Variants in SAMD4A observed in about 807,000 individuals in gnomAD.
The protein encoded by SAMD4A is protein Smaug homolog 1.
A neutral mutation model predicts 81.3 loss-of-function variants in SAMD4A; 33 were observed. That is an observed-to-expected ratio of 0.41 (90% CI 0.31 to 0.54). SAMD4A has a LOEUF of 0.54. Among genes scored for constraint, SAMD4A ranks in the 20% least tolerant of loss-of-function variants. SAMD4A has a pLI of 0.37. For missense variants in SAMD4A, 854 were observed against 951.1 expected (o/e 0.90, Z 1.34); for synonymous variants, 389 against 382.1 (o/e 1.02, Z -0.21).
chr14:54,626,070 G>GCA (rs2034754525), intron 2 of SAMD4A, among the ~76,000 whole-genome samples: 1 of 111,378 alleles, frequency 9.0e-6, no homozygotes, highest in South Asian at 2.5e-4. Flanking sequence ...GCGCGCGCGC[G>GCA]CGCGCGAGTG....
chr14:54,687,409 G>A (rs1443358909), intron 2 of SAMD4A: 1 of 455,922 alleles, frequency 2.2e-6, no homozygotes, highest in South Asian at 1.6e-5. Context: ...CATTCTTGGT[G>A]TCCACAGCCC....
At chr14:54,700,163 G>T (rs2080934043) in intron 2 of SAMD4A, among the ~76,000 whole-genome samples, 1 of 152,118 alleles carries the variant, frequency 6.6e-6, no homozygotes, top group Admixed American at 6.6e-5. Context: ...GCAGAGACAA[G>T]CTGAAGGAAT....
chr14:54,634,430 A>C (rs1451288165), intron 2 of SAMD4A, among the ~76,000 whole-genome samples: 1 of 152,104 alleles, frequency 6.6e-6, no homozygotes, highest in East Asian at 1.9e-4. Context: ...CCTTTTTGGC[A>C]CCAGGGACTG....
chr14:54,738,468 G>A (rs1369994988), intron 4 of SAMD4A, among the ~76,000 whole-genome samples: 1 of 152,166 alleles, frequency 6.6e-6, no homozygotes, highest in Non-Finnish European at 1.5e-5. Flanking sequence ...CCATTTCATT[G>A]ATGGTTCCAG....
intron 2 of SAMD4A, among the ~76,000 whole-genome samples, chr14:54,683,772 C>T (rs1455242904): frequency 1.3e-5 from 2 of 151,982 alleles, no homozygotes; most frequent in African/African-American, 4.8e-5. Context: ...GTCTAAATTG[C>T]TCTACACAGA....
At chr14:54,708,320 CTT>C (rs1239652739) in intron 3 of SAMD4A, among the ~76,000 whole-genome samples, 1 of 152,194 alleles carries the variant, frequency 6.6e-6, no homozygotes, top group Non-Finnish European at 1.5e-5. Flanking sequence ...CAGGGAAAGT[CTT>C]TATCAGGTAG....
At chr14:54,742,448 C>A (rs950601628) in intron 4 of SAMD4A, among the ~76,000 whole-genome samples, 4 of 152,176 alleles carry the variant, frequency 2.6e-5, no homozygotes, top group Non-Finnish European at 5.9e-5. Flanking sequence ...CTTGGCTGAC[C>A]CAGCCTCACT....
intron 9 of SAMD4A, among the ~76,000 whole-genome samples, chr14:54,772,366 A>G (rs2038727954): frequency 6.6e-6 from 1 of 152,216 alleles, no homozygotes; most frequent in African/African-American, 2.4e-5. Context: ...AAGTAACCCA[A>G]GCATTCACTC....
intron 2 of SAMD4A, among the ~76,000 whole-genome samples, chr14:54,569,446 T>C (rs1225307128): frequency 6.6e-6 from 1 of 152,186 alleles, no homozygotes; most frequent in East Asian, 1.9e-4. Flanking sequence ...AGATCCTGCA[T>C]GGCCAAGTAT....
rs145716865 is a variant in SAMD4A at position 54,766,152 on chromosome 14, T to C, written c.1596+1612T>C. Among the ~76,000 whole-genome samples the C allele has an allele frequency of 3.1e-4, 47 of 152,314 alleles. 1 individual carries two copies. In the East Asian group the frequency reaches 5.8e-3, roughly 19 times the overall value. Reference sequence around the variant, plus strand: ...GTCAAAAGCCCGTACTGAAGGCTTATTTGTGACTTTGTTTCAGGGACAAGG... The same window carrying C: ...GTCAAAAGCCCGTACTGAAGGCTTACTTGTGACTTTGTTTCAGGGACAAGG... On this transcript the variant is annotated intron_variant, in intron 8 of 12. Coordinates refer to ENST00000554335, the MANE Select transcript of SAMD4A (RefSeq NM_015589.6).
At chr14:54,669,760 A>C (rs2035837331) in intron 2 of SAMD4A, among the ~76,000 whole-genome samples, 1 of 152,230 alleles carries the variant, frequency 6.6e-6, no homozygotes, top group Non-Finnish European at 1.5e-5. Context: ...TGTGAGCTTC[A>C]GAGCATGTTA....
In SAMD4A at chr14:54,760,353, A is replaced by G; in HGVS notation, c.1369A>G (p.Thr457Ala). Residue 457 changes from threonine (T) to alanine (A), a missense_variant, in exon 7 of 13, where the codon ACT becomes GCT. Around this residue, in one of 3 missense-constraint regions of SAMD4A, gnomAD observed 428 missense variants for 471.2 expected, o/e 0.91. Coordinates refer to ENST00000554335, the MANE Select transcript of SAMD4A (RefSeq NM_015589.6). ...CGACTGCAAAGATGGGGCCGCAGCC[A>G]CTGGCGCCACGGCCACCCCCTCGGC... Reference protein sequence around the residue: ...SPDCKDGAAATGATATPSAGA... With the variant: ...SPDCKDGAAAAGATATPSAGA... 1 of 1,585,336 alleles carries G rather than the reference A, an allele frequency of 6.3e-7. No individual in the cohort carries two copies. Among genetic ancestry groups the G allele is most frequent in the Non-Finnish European group, 8.5e-7 (1 of 1,171,368 alleles).
chr14:54,673,487 G>A (rs2035928390), intron 2 of SAMD4A, among the ~76,000 whole-genome samples: 1 of 152,232 alleles, frequency 6.6e-6, no homozygotes, highest in African/African-American at 2.4e-5. Flanking sequence ...TGTGACGGCA[G>A]CGTCAGCATA....
intron 2 of SAMD4A, among the ~76,000 whole-genome samples, chr14:54,588,591 T>A (rs958326732): frequency 2.0e-4 from 31 of 152,252 alleles, no homozygotes; most frequent in African/African-American, 7.5e-4. Flanking sequence ...AGTATTTTTT[T>A]TGTACACTCT....
intron 3 of SAMD4A, among the ~76,000 whole-genome samples, chr14:54,714,946 A>G (rs2037082794): frequency 6.6e-6 from 1 of 152,150 alleles, no homozygotes; most frequent in African/African-American, 2.4e-5. Flanking sequence ...GATATATATT[A>G]CTAAATACTT....
At chr14:54,566,272 C>T (rs891304692), upstream of SAMD4A, among the ~76,000 whole-genome samples, 1 of 151,346 alleles carries the variant, frequency 6.6e-6, no homozygotes, top group African/African-American at 2.4e-5. Flanking sequence ...CCCGGACCCG[C>T]GCAAGGGCCC....
rs143909412 is a variant in SAMD4A, at chr14:54,594,086, A to T, written c.196+25974A>T. ...GCAGAAGTAAAACATGATTGCTATT[A>T]AAAAAAAAGTACATTTTCATAAATT... On this transcript the variant is annotated intron_variant, in intron 2 of 12. Transcript: ENST00000554335. 6.0e-4 allele frequency among the ~76,000 whole-genome samples: 90 copies of T among 150,648 alleles called. 1 individual carries two copies. The highest frequency in any genetic ancestry group is 1.8e-3 in the African/African-American group (72 of 40,428).
chr14:54,642,605 G>A (rs1459927522), intron 2 of SAMD4A, among the ~76,000 whole-genome samples: 1 of 152,130 alleles, frequency 6.6e-6, no homozygotes, highest in Non-Finnish European at 1.5e-5. Flanking sequence ...ACTGATTTGT[G>A]GAGATTCATT....
Position 54,770,215 on chromosome 14 carries a change from CAAAG to C in SAMD4A, c.1713_1715+1del. 1 of 1,603,772 alleles carries C rather than the reference CAAAG, an allele frequency of 6.2e-7. No individual in the cohort carries two copies. Among genetic ancestry groups the C allele is most frequent in the Non-Finnish European group, 8.5e-7 (1 of 1,171,202 alleles). ...TCTAGACATATCAGGATATCGACAG[CAAAG>C]AAAGTATGTTGGGATTTCATTCTTT... On this transcript the variant is annotated frameshift_variant, in exon 9 of 13. Transcript: ENST00000554335. LOFTEE classifies it high-confidence loss of function.
Sources: allele counts gnomAD v4.1 joint callset (sites outside exome capture counted in the v4.1 genomes callset), GRCh38; gene constraint gnomAD v4.1.1; regional missense constraint gnomAD v4.1.1; transcripts MANE v1.5; gene names NCBI Gene and HGNC (gene_info 2026-07-23, HGNC 2026-07-21).